ANXA9: variants seen among roughly 807,000 people sequenced by gnomAD.
ANXA9 encodes the protein annexin 31.
Under a neutral mutation model 51.8 loss-of-function variants are expected in ANXA9, and 47 were observed. The ratio of observed to expected loss-of-function variants is 0.91; its 90% confidence interval spans 0.72 to 1.16. The LOEUF is 1.16. Ranked by LOEUF, ANXA9 falls within the 50% of genes most tolerant of loss-of-function variation. The pLI is 0.00. For missense variants in ANXA9, 361 were observed against 424.7 expected, an observed-to-expected ratio of 0.85 and a Z score of 1.32; for synonymous variants, 154 against 168.7, an observed-to-expected ratio of 0.91 and a Z score of 0.68.
intron 12 of ANXA9, 115 bp from the exon 13 acceptor site, chr1:150,994,462 T>TA (rs1227134692): frequency 9.4e-6 from 14 of 1,496,712 alleles, no homozygotes; most frequent in Non-Finnish European, 1.3e-5. Context: ...TGTACACTCT[T>TA]ATCCCTTGAC....
intron 11 of ANXA9, 26 bp from the exon 12 acceptor site, chr1:150,988,257 C>T (rs1439396340): frequency 3.1e-6 from 5 of 1,614,150 alleles, no homozygotes; most frequent in Non-Finnish European, 2.5e-6. Flanking sequence ...AGTTGTGAAC[C>T]TCCATCCTTC....
At position 150,995,369 on chromosome 1, in the gene ANXA9, C is replaced by T. The variant is rs1398701136; in HGVS notation, c.*47C>T. On this transcript the variant is annotated 3_prime_UTR_variant, in exon 14 of 14. Coordinates refer to ENST00000368947, the MANE Select transcript of ANXA9 (RefSeq NM_003568.3). ...ATGACATCCGAGGATCTGAGATTTC[C>T]GTGTTTGGCTGAACCTGGGAGACCA... 5.8e-6 allele frequency: 9 copies of T among 1,559,854 alleles called. No individual in the cohort carries two copies. Among genetic ancestry groups the T allele is most frequent in the East Asian group, 4.8e-5 (2 of 42,076 alleles).
At chr1:150,994,416 G>A (rs587682223) in intron 12 of ANXA9, among the ~76,000 whole-genome samples, 161 bp from the exon 13 acceptor site, 3 of 151,938 alleles carry the variant, frequency 2.0e-5, no homozygotes, top group African/African-American at 7.2e-5. Flanking sequence ...CCTTGAGGAT[G>A]GACAAACATA....
exon 1 of ANXA9, chr1:150,982,289 TTCCTC>T (rs1448645451): frequency 6.6e-6 from 1 of 152,660 alleles, no homozygotes; most frequent in East Asian, 1.9e-4. Flanking sequence ...CACCCCCACT[TTCCTC>T]TACCAGGCCA....
intron 9 of ANXA9, among the ~76,000 whole-genome samples, chr1:150,987,326 A>G (rs1671584287): frequency 6.6e-6 from 1 of 151,676 alleles, no homozygotes; most frequent in Non-Finnish European, 1.5e-5. Flanking sequence ...ACTGCACTCC[A>G]GCCTGGGTGA....
intron 9 of ANXA9, among the ~76,000 whole-genome samples, chr1:150,987,201 C>A (rs151293752): frequency 1.3e-5 from 2 of 151,972 alleles, no homozygotes; most frequent in Non-Finnish European, 2.9e-5. Flanking sequence ...GACTCTATCT[C>A]CACAAAATAT....
At chr1:150,982,091 A>C (rs751259844), upstream of ANXA9, 1 of 152,480 alleles carries the variant, frequency 6.6e-6, no homozygotes, top group Non-Finnish European at 1.5e-5. Context: ...TGAGAGGCTG[A>C]GTGGAGTTCA....
intron 12 of ANXA9, among the ~76,000 whole-genome samples, chr1:150,991,261 G>A (rs994510692): frequency 3.3e-5 from 5 of 149,864 alleles, no homozygotes; most frequent in East Asian, 3.9e-4. Context: ...TTTTTAGATC[G>A]AGTCTCACTC....
Position 150,995,412 on chromosome 1 carries a change from G to T in ANXA9, c.*90G>T. ...GGAGACCAGCTGGGCCTCCAAGTAGGATAACCCCTCACTGAGCACCACATT... is the reference window on the plus strand; with the variant it reads ...GGAGACCAGCTGGGCCTCCAAGTAGTATAACCCCTCACTGAGCACCACATT... On this transcript the variant is annotated 3_prime_UTR_variant, in exon 14 of 14. Coordinates refer to ENST00000368947, the MANE Select transcript of ANXA9 (RefSeq NM_003568.3). The T allele has an allele frequency of 8.2e-7, 1 of 1,219,088 alleles. No individual in the cohort carries two copies. The allele number at this position is 1,219,088 out of a possible 1,614,324, so 75.5% of individuals were successfully genotyped here. A position where few individuals can be genotyped will look rare whatever the true frequency, so the allele number is the denominator to read the frequency against.
chr1:150,984,560 G>C (rs1342239591), intron 6 of ANXA9, 26 bp from the exon 7 acceptor site: 4 of 1,608,112 alleles, frequency 2.5e-6, no homozygotes, highest in Non-Finnish European at 3.4e-6. Context: ...CGGCCAGTCT[G>C]AGAGTAGACT....
chr1:150,977,532 G>A (rs1671358141), upstream of ANXA9, among the ~76,000 whole-genome samples: 2 of 152,220 alleles, frequency 1.3e-5, no homozygotes, highest in Admixed American at 1.3e-4. Context: ...TCCTCTGTAT[G>A]GGCTGCTGAA....
intron 7 of ANXA9, among the ~76,000 whole-genome samples, 173 bp downstream of exon 7, chr1:150,984,849 C>T (rs1156749817): frequency 6.6e-6 from 1 of 151,782 alleles, no homozygotes; most frequent in Non-Finnish European, 1.5e-5. Context: ...AGGGGAGAGA[C>T]CCAGATGTGA....
chr1:150,986,536 G>C, intron 8 of ANXA9, 66 bp from the exon 9 acceptor site: 1 of 1,588,368 alleles, frequency 6.3e-7, no homozygotes, highest in East Asian at 2.2e-5. Context: ...ACCAGCCTTC[G>C]CTTGTTGGTC....
intron 12 of ANXA9, among the ~76,000 whole-genome samples, chr1:150,990,607 T>G (rs1270171968): frequency 6.6e-6 from 1 of 152,124 alleles, no homozygotes; most frequent in Non-Finnish European, 1.5e-5. Flanking sequence ...AGGACTTTGG[T>G]AGGCTGAGGC....
intron 9 of ANXA9, among the ~76,000 whole-genome samples, 182 bp downstream of exon 9, chr1:150,986,843 T>G (rs1455425881): frequency 6.6e-6 from 1 of 152,100 alleles, no homozygotes. Context: ...AGCTGAAGCC[T>G]TTTCACTCAT....
At chr1:150,983,699 G>A (rs967444867) in intron 4 of ANXA9, among the ~76,000 whole-genome samples, 4 of 152,174 alleles carry the variant, frequency 2.6e-5, no homozygotes, top group Admixed American at 6.5e-5. Flanking sequence ...GCTCATGACG[G>A]AGGTGGTATT....
rs1206787560 is a variant in ANXA9, at chr1:150,988,309, T to C, written c.820T>C (p.Tyr274His). 10 of 1,614,170 alleles carry C rather than the reference T, an allele frequency of 6.2e-6. No individual in the cohort carries two copies. Among genetic ancestry groups the C allele is most frequent in the South Asian group, 1.1e-5 (1 of 91,080 alleles). The change falls in exon 12 of 14, where the codon TAC (tyrosine) becomes CAC (histidine). Residue 274 changes from tyrosine to histidine, a missense_variant. Coordinates refer to ENST00000368947, the MANE Select transcript of ANXA9 (RefSeq NM_003568.3). ...TTCGGTGATCAAGAACACACCGCTG[T>C]ACTTTGCTGACAAACTTCATCAAGC... ...LASVIKNTPL[Y>H]FADKLHQALQ...
upstream of ANXA9, among the ~76,000 whole-genome samples, chr1:150,978,449 G>A (rs1314714886): frequency 6.6e-6 from 1 of 152,052 alleles, no homozygotes; most frequent in African/African-American, 2.4e-5. Flanking sequence ...ATAAATAAAA[G>A]CAATGTGGGA....
intron 12 of ANXA9, among the ~76,000 whole-genome samples, chr1:150,991,098 G>A (rs1263329329): frequency 3.4e-5 from 5 of 147,732 alleles, no homozygotes; most frequent in Middle Eastern, 4.0e-3. Context: ...AGCCGAGATC[G>A]CGCCACTGCA....
Sources: gnomAD v4.1 joint callset for allele counts (sites outside exome capture counted in the v4.1 genomes callset) on GRCh38, gnomAD v4.1.1 for gene constraint, MANE v1.5 for transcripts, NCBI Gene and HGNC (gene_info 2026-07-23, HGNC 2026-07-21) for gene names.